Variants in HIBADH observed in about 807,000 individuals in gnomAD.
The protein encoded by HIBADH is 3-hydroxyisobutyrate dehydrogenase.
Under a neutral mutation model 36.1 loss-of-function variants are expected in HIBADH, and 25 were observed. That is an observed-to-expected ratio of 0.69 (90% confidence interval 0.50 to 0.97). The LOEUF is 0.97. HIBADH is among the 50% of genes least tolerant of loss of function. The pLI is 0.00. For missense variants in HIBADH, 421 were observed against 418.0 expected, an observed-to-expected ratio of 1.01 and a Z score of -0.06; for synonymous variants, 160 against 149.5, an observed-to-expected ratio of 1.07 and a Z score of -0.51.
intron 3 of HIBADH, among the ~76,000 whole-genome samples, chr7:27,631,268 C>T (rs1785741608): frequency 6.6e-6 from 1 of 152,132 alleles, no homozygotes; most frequent in African/African-American, 2.4e-5. Flanking sequence ...CACTGTGGCC[C>T]TGAGAGCTCC....
intron 5 of HIBADH, among the ~76,000 whole-genome samples, chr7:27,540,407 C>T (rs1278146369): frequency 1.3e-5 from 2 of 152,132 alleles, no homozygotes; most frequent in African/African-American, 4.8e-5. Context: ...AATCCAAGAT[C>T]CATATCTTGA....
At chr7:27,613,165 ATT>A (rs1562643697) in intron 4 of HIBADH, among the ~76,000 whole-genome samples, 16 of 8,784 alleles carry the variant, frequency 1.8e-3, no homozygotes, top group Middle Eastern at 0.062. Context: ...AAATATATAT[ATT>A]TATATAAATA....
At position 27,555,491 on chromosome 7, in the gene HIBADH, ACTAT is replaced by A. The variant is rs113925349; in HGVS notation, c.485-12395_485-12392del. On this transcript the variant is annotated intron_variant, in intron 4 of 7. Coordinates refer to ENST00000265395, the MANE Select transcript of HIBADH (RefSeq NM_152740.4). ...TTCCAAGTCTAGAGTCAAAATTTCA[ACTAT>A]CTATCAGCTAATTCTTACTACTGGC... Among the ~76,000 whole-genome samples the A allele has an allele frequency of 4.4e-3, 672 of 151,956 alleles. 4 individuals carry two copies. The highest frequency in any genetic ancestry group is 0.015 in the African/African-American group (637 of 41,448).
intron 4 of HIBADH, among the ~76,000 whole-genome samples, chr7:27,561,240 T>G (rs1392679387): frequency 6.6e-6 from 1 of 152,176 alleles, no homozygotes; most frequent in Non-Finnish European, 1.5e-5. Context: ...ACCTTGCCCC[T>G]TATATTTTCA....
At chr7:27,570,763 G>A (rs372597638) in intron 4 of HIBADH, among the ~76,000 whole-genome samples, 34 of 152,144 alleles carry the variant, frequency 2.2e-4, no homozygotes, top group Non-Finnish European at 3.2e-4. Context: ...TCTTTTATAG[G>A]TAATGTGTCT....
At chr7:27,651,560 G>C (rs1203670985) in intron 1 of HIBADH, among the ~76,000 whole-genome samples, 1 of 152,302 alleles carries the variant, frequency 6.6e-6, no homozygotes, top group South Asian at 2.1e-4. Context: ...ACTGTGTTAA[G>C]GTTGAAAAGG....
At chr7:27,601,157 A>C (rs1785124610) in intron 4 of HIBADH, among the ~76,000 whole-genome samples, 1 of 152,130 alleles carries the variant, frequency 6.6e-6, no homozygotes, top group East Asian at 1.9e-4. Flanking sequence ...GGATCTTTTT[A>C]ACATAATCTA....
intron 4 of HIBADH, among the ~76,000 whole-genome samples, chr7:27,547,188 G>A (rs934156402): frequency 4.6e-5 from 7 of 152,092 alleles, no homozygotes; most frequent in Non-Finnish European, 8.8e-5. Context: ...CTTGAAACAG[G>A]TGAAGTATGT....
At chr7:27,629,987 A>G (rs997635223) in intron 3 of HIBADH, among the ~76,000 whole-genome samples, 1 of 152,090 alleles carries the variant, frequency 6.6e-6, no homozygotes, top group African/African-American at 2.4e-5. Flanking sequence ...AAATCTAGCC[A>G]TTTGTGTTGG....
Position 27,525,628 on chromosome 7 carries a change from C to T in HIBADH, c.*586G>A, listed in dbSNP as rs1459708694. Reference sequence around the variant, plus strand: ...ATATAAAAACAAGTCTGCTGAGTGTCGGGAGTTGGTGAGGGATATCCTACC... The same window carrying T: ...ATATAAAAACAAGTCTGCTGAGTGTTGGGAGTTGGTGAGGGATATCCTACC... On this transcript the variant is annotated 3_prime_UTR_variant, in exon 8 of 8. Transcript: ENST00000265395. 3 of 152,256 alleles carry T rather than the reference C, an allele frequency of 2.0e-5. No homozygotes were observed. The highest frequency in any genetic ancestry group is 1.9e-4 in the East Asian group (1 of 5,186). 9.4% of individuals were successfully genotyped at this position (152,256 alleles called of 1,614,324 possible). A position where few individuals can be genotyped will look rare whatever the true frequency, so the allele number is the denominator to read the frequency against.
chr7:27,642,796 C>T (rs549294171), intron 2 of HIBADH, among the ~76,000 whole-genome samples: 115 of 151,162 alleles, frequency 7.6e-4, no homozygotes, highest in African/African-American at 2.5e-3. Flanking sequence ...GGACTACAGG[C>T]GCCCGCCATT....
intron 4 of HIBADH, among the ~76,000 whole-genome samples, chr7:27,562,812 G>T (rs1331635067): frequency 6.6e-6 from 1 of 152,062 alleles, no homozygotes; most frequent in Non-Finnish European, 1.5e-5. Flanking sequence ...TAGGATCAAA[G>T]GATAACCTTT....
chr7:27,591,555 A>T (rs1212187478), intron 4 of HIBADH, among the ~76,000 whole-genome samples: 2 of 152,140 alleles, frequency 1.3e-5, no homozygotes, highest in African/African-American at 4.8e-5. Context: ...CGTCTCAAAA[A>T]AAAAAAAAAA....
chr7:27,653,455 G>GC (rs1393008473), intron 1 of HIBADH, among the ~76,000 whole-genome samples: 1 of 152,168 alleles, frequency 6.6e-6, no homozygotes, highest in Non-Finnish European at 1.5e-5. Flanking sequence ...ACCATGACCG[G>GC]CCGGGCGTGG....
intron 4 of HIBADH, among the ~76,000 whole-genome samples, chr7:27,546,629 A>G (rs1784238437): frequency 6.6e-6 from 1 of 152,212 alleles, no homozygotes; most frequent in African/African-American, 2.4e-5. Context: ...CCACTATGTT[A>G]AGATGACATC....
At chr7:27,641,833 C>T (rs935216757) in intron 2 of HIBADH, among the ~76,000 whole-genome samples, 6 of 151,534 alleles carry the variant, frequency 4.0e-5, no homozygotes, top group African/African-American at 1.5e-4. Flanking sequence ...TTACCTTTCT[C>T]ACTTCATTCA....
intron 4 of HIBADH, 47 bp downstream of exon 4, chr7:27,629,324 T>G (rs1785704388): frequency 1.1e-5 from 17 of 1,579,828 alleles, no homozygotes; most frequent in Non-Finnish European, 1.4e-5. Flanking sequence ...TAATTGCTAC[T>G]TTTGACAAAC....
rs1786450554 is a variant in HIBADH, at chr7:27,662,752, C to T, written c.37G>A (p.Gly13Ser). 2.1e-6 allele frequency: 3 copies of T among 1,435,838 alleles called. No individual in the cohort carries two copies. Among genetic ancestry groups the T allele is most frequent in the South Asian group, 1.4e-5 (1 of 70,856 alleles). The allele number at this position is 1,435,838 out of a possible 1,614,324, so 88.9% of individuals were successfully genotyped here. A position where few individuals can be genotyped will look rare whatever the true frequency, so the allele number is the denominator to read the frequency against. Reference sequence around the variant, plus strand: ...AGCCGCCGGCTCCAGTACCGGAGACCGGAGGCAGCTCCGAGGAGCCGTAAG... The same window carrying T: ...AGCCGCCGGCTCCAGTACCGGAGACTGGAGGCAGCTCCGAGGAGCCGTAAG... ...ASLRLLGAAS[G>S]LRYWSRRLRP... The change falls in exon 1 of 8, where the codon GGT becomes AGT. Residue 13 changes from glycine to serine, a missense_variant. Physicochemically the swap from Gly to Ser is moderately conservative, Grantham distance 56 (BLOSUM62 0). Transcript: ENST00000265395.
intron 2 of HIBADH, among the ~76,000 whole-genome samples, chr7:27,646,845 G>A (rs1562657966): frequency 1.3e-5 from 2 of 151,754 alleles, no homozygotes; most frequent in Admixed American, 6.6e-5. Flanking sequence ...ACAGACACAC[G>A]CCACCGCGCC....
Sources: gnomAD v4.1 joint callset for allele counts (sites outside exome capture counted in the v4.1 genomes callset) on GRCh38, gnomAD v4.1.1 for gene constraint, MANE v1.5 for transcripts, NCBI Gene and HGNC (gene_info 2026-07-23, HGNC 2026-07-21) for gene names.